The following PDE4D variants were observed in gnomAD, a reference collection of about 807,000 sequenced individuals.
PDE4D encodes the protein phosphodiesterase 4D.
Under a neutral mutation model 87.4 loss-of-function variants are expected in PDE4D, and 24 were observed. That is an observed-to-expected ratio of 0.27 (90% confidence interval 0.20 to 0.39). PDE4D has a LOEUF of 0.39. Among genes scored for constraint, PDE4D ranks in the 10% least tolerant of loss-of-function variants. PDE4D has a pLI of 1.00. For missense variants in PDE4D, 714 were observed against 1,041.0 expected, an observed-to-expected ratio of 0.69 and a Z score of 4.32; for synonymous variants, 384 against 383.2, an observed-to-expected ratio of 1.00 and a Z score of -0.02.
At chr5:59,240,031 T>C (rs557230528) in intron 1 of PDE4D, among the ~76,000 whole-genome samples, 43 of 152,328 alleles carry the variant, frequency 2.8e-4, no homozygotes, top group South Asian at 6.2e-4. Flanking sequence ...ATGGTCTTAA[T>C]TTTACTCATT....
chr5:59,665,323 A>G (rs1745899153), intron 1 of PDE4D, among the ~76,000 whole-genome samples: 1 of 152,246 alleles, frequency 6.6e-6, no homozygotes, highest in Non-Finnish European at 1.5e-5. Context: ...TGTTCTGAGG[A>G]CTATTATTGA....
intron 1 of PDE4D, among the ~76,000 whole-genome samples, chr5:59,865,429 C>G (rs1746871367): frequency 6.6e-6 from 1 of 152,148 alleles, no homozygotes. Flanking sequence ...AACTGAAAAA[C>G]AGAGGTGCCC....
chr5:60,114,783 G>C (rs1777987931), intron 2 of PDE4D, among the ~76,000 whole-genome samples: 1 of 151,864 alleles, frequency 6.6e-6, no homozygotes, highest in Non-Finnish European at 1.5e-5. Context: ...CAATAAGTAA[G>C]GCAATATTAC....
chr5:59,224,978 C>G (rs892949327), intron 1 of PDE4D, among the ~76,000 whole-genome samples: 4 of 152,094 alleles, frequency 2.6e-5, no homozygotes, highest in Non-Finnish European at 5.9e-5. Flanking sequence ...AACCAGAAAG[C>G]CCCAACCAAA....
At chr5:59,155,437 G>A (rs993526526) in intron 5 of PDE4D, among the ~76,000 whole-genome samples, 1 of 152,168 alleles carries the variant, frequency 6.6e-6, no homozygotes, top group Non-Finnish European at 1.5e-5. Flanking sequence ...ACAATTAGGA[G>A]TTCATTGGCA....
At chr5:59,777,161 G>A (rs1275577971) in intron 1 of PDE4D, among the ~76,000 whole-genome samples, 7 of 152,146 alleles carry the variant, frequency 4.6e-5, no homozygotes, top group Admixed American at 1.3e-4. Flanking sequence ...GCAGCCAAAC[G>A]GAATGCTTCC....
chr5:59,229,357 G>A (rs1418203540), intron 1 of PDE4D, among the ~76,000 whole-genome samples: 1 of 152,100 alleles, frequency 6.6e-6, no homozygotes, highest in Non-Finnish European at 1.5e-5. Flanking sequence ...AATTTAGCTA[G>A]GAGTTGGTCA....
At chr5:59,677,447 C>T (rs892585558) in intron 1 of PDE4D, among the ~76,000 whole-genome samples, 1 of 152,126 alleles carries the variant, frequency 6.6e-6, no homozygotes, top group African/African-American at 2.4e-5. Context: ...CAGCAACCAA[C>T]CTGAACCATC....
At chr5:59,202,564 G>A (rs1747736337) in intron 2 of PDE4D, among the ~76,000 whole-genome samples, 1 of 151,678 alleles carries the variant, frequency 6.6e-6, no homozygotes, top group African/African-American at 2.4e-5. Context: ...TTTGAGATGG[G>A]GTTCTCATCT....
chr5:59,544,057 C>T lies in PDE4D; in HGVS notation c.456-328089G>A, dbSNP rs76429123. 4.3e-3 allele frequency among the ~76,000 whole-genome samples: 650 copies of T among 152,210 alleles called. 9 individuals are homozygous for T. Among genetic ancestry groups the T allele is most frequent in the African/African-American group, 0.015 (613 of 41,518 alleles). On this transcript the variant is annotated intron_variant, in intron 1 of 14. Coordinates refer to ENST00000340635, the MANE Select transcript of PDE4D (RefSeq NM_001104631.2). ...CTTCTAAACACTCACAGGCCTGTGG[C>T]AACAAAATGCTACATGCCAGCTTCA...
intron 1 of PDE4D, among the ~76,000 whole-genome samples, chr5:60,297,887 G>A (rs1753548964): frequency 6.6e-6 from 1 of 152,114 alleles, no homozygotes; most frequent in Non-Finnish European, 1.5e-5. Flanking sequence ...TCCAAGTGTG[G>A]GGCCCACTCC....
chr5:59,893,058 A>G, intron 1 of PDE4D, 110 bp downstream of exon 1: 1 of 1,139,896 alleles, frequency 8.8e-7, no homozygotes, highest in South Asian at 1.5e-5. Context: ...CCAGACTAGC[A>G]TTTTACCCTG....
At chr5:60,342,022 G>T (rs543381566) in intron 1 of PDE4D, among the ~76,000 whole-genome samples, 54 of 152,292 alleles carry the variant, frequency 3.5e-4, no homozygotes, top group South Asian at 2.3e-3. Context: ...ACTATAAAAT[G>T]TTTGCTTCCT....
chr5:59,170,806 T>G (rs909003859), intron 5 of PDE4D, among the ~76,000 whole-genome samples: 2 of 152,180 alleles, frequency 1.3e-5, no homozygotes, highest in African/African-American at 2.4e-5. Context: ...TCACACATTA[T>G]TTAGAATTTG....
At chr5:60,223,287 A>G (rs979380388) in intron 1 of PDE4D, among the ~76,000 whole-genome samples, 7 of 152,194 alleles carry the variant, frequency 4.6e-5, no homozygotes, top group African/African-American at 1.7e-4. Flanking sequence ...CCTAATTAAC[A>G]GTATAAACAT....
At chr5:59,716,195 C>T (rs1488535925) in intron 1 of PDE4D, among the ~76,000 whole-genome samples, 2 of 152,204 alleles carry the variant, frequency 1.3e-5, no homozygotes, top group Non-Finnish European at 2.9e-5. Flanking sequence ...TGTAACCACG[C>T]CACGTGAGGC....
intron 1 of PDE4D, among the ~76,000 whole-genome samples, chr5:59,884,682 G>A (rs1028099209): frequency 1.3e-5 from 2 of 151,948 alleles, no homozygotes; most frequent in Admixed American, 6.6e-5. Context: ...ACAAAAGTAT[G>A]CACATTAAAA....
intron 1 of PDE4D, among the ~76,000 whole-genome samples, chr5:59,685,217 AGT>A (rs1749652384): frequency 6.6e-6 from 1 of 152,182 alleles, no homozygotes; most frequent in Middle Eastern, 3.2e-3. Flanking sequence ...AGATTTCACA[AGT>A]GGCAAGGAAT....
At chr5:59,416,788 C>T (rs1300217739) in intron 1 of PDE4D, among the ~76,000 whole-genome samples, 1 of 152,076 alleles carries the variant, frequency 6.6e-6, no homozygotes, top group Non-Finnish European at 1.5e-5. Flanking sequence ...GGGTGTAGTG[C>T]TTTTTCCATT....
Sources: allele counts gnomAD v4.1 joint callset (sites outside exome capture counted in the v4.1 genomes callset), GRCh38; gene constraint gnomAD v4.1.1; transcripts MANE v1.5; gene names NCBI Gene and HGNC (gene_info 2026-07-23, HGNC 2026-07-21).